The following PTK2B variants were observed in gnomAD, a reference collection of about 807,000 sequenced individuals.
The protein encoded by PTK2B is protein tyrosine kinase 2 beta.
PTK2B carries 71 observed loss-of-function variants against 142.9 expected under a neutral mutation model. The ratio of observed to expected loss-of-function variants is 0.50; its 90% CI spans 0.41 to 0.61. The LOEUF (loss-of-function observed/expected upper bound fraction) is 0.61. Among genes scored for constraint, PTK2B ranks in the 20% least tolerant of loss-of-function variants. PTK2B has a pLI of 0.00. For synonymous variants in PTK2B, 519 were observed against 503.4 expected, an observed-to-expected ratio of 1.03 and a Z score of -0.42; for missense variants, 1,105 against 1,320.4, an observed-to-expected ratio of 0.84 and a Z score of 2.53.
At chr8:27,450,953 C>T (rs1050198285) in intron 25 of PTK2B, 58 bp downstream of exon 25, 372 of 1,612,096 alleles carry the variant, frequency 2.3e-4, no homozygotes, top group Non-Finnish European at 3.0e-4. Context: ...TCTTCCACCT[C>T]CCCAGGTGGC....
chr8:27,336,209 G>A (rs574768178), intron 1 of PTK2B, among the ~76,000 whole-genome samples: 119 of 152,324 alleles, frequency 7.8e-4, no homozygotes, highest in Non-Finnish European at 1.1e-3. Context: ...TTACCAAAGA[G>A]TAAATGCATA....
intron 2 of PTK2B, among the ~76,000 whole-genome samples, chr8:27,406,083 T>A (rs1808695165): frequency 6.6e-6 from 1 of 152,346 alleles, no homozygotes; most frequent in East Asian, 1.9e-4. Context: ...GGATCTCTCC[T>A]TGCCTGTCCC....
intron 2 of PTK2B, among the ~76,000 whole-genome samples, chr8:27,412,020 T>C (rs1809095980): frequency 6.6e-6 from 1 of 152,244 alleles, no homozygotes; most frequent in Non-Finnish European, 1.5e-5. Flanking sequence ...AGGACAGGTC[T>C]GAGGGACCCC....
At chr8:27,344,340 G>A (rs545668624) in intron 1 of PTK2B, among the ~76,000 whole-genome samples, 22 of 152,296 alleles carry the variant, frequency 1.4e-4, no homozygotes, top group South Asian at 6.2e-4. Context: ...GGTTAGAAGC[G>A]AGGGCTTCTC....
rs201809119 is a variant in PTK2B at position 27,439,147 on chromosome 8, A to G, written c.1744+16A>G. The G allele has an allele frequency of 1.2e-4, 189 of 1,608,882 alleles. No individual in the cohort carries two copies. In the African/African-American group the frequency reaches 2.3e-3, roughly 20 times the overall value. Reference sequence around the variant, plus strand: ...TATTACAAAGGTGAGGGGGCTTCCCAGCCTCTGCATTGGCCTTGGAGGGGT... The same window carrying G: ...TATTACAAAGGTGAGGGGGCTTCCCGGCCTCTGCATTGGCCTTGGAGGGGT... On this transcript the variant is annotated intron_variant, in intron 19 of 30. Coordinates refer to ENST00000346049, the MANE Select transcript of PTK2B (RefSeq NM_173176.3).
chr8:27,446,037 C>A, intron 24 of PTK2B, 118 bp downstream of exon 24: 1 of 1,436,060 alleles, frequency 7.0e-7, no homozygotes, highest in Non-Finnish European at 9.4e-7. Flanking sequence ...TGTTCCCATG[C>A]ACCAGTCAGG....
At chr8:27,364,588 C>T (rs776983059) in intron 1 of PTK2B, among the ~76,000 whole-genome samples, 1 of 152,192 alleles carries the variant, frequency 6.6e-6, no homozygotes, top group Non-Finnish European at 1.5e-5. Flanking sequence ...ACTGCAGGGA[C>T]TGAACAGAAT....
intron 1 of PTK2B, among the ~76,000 whole-genome samples, chr8:27,327,206 C>T (rs1159297694): frequency 2.6e-5 from 4 of 152,076 alleles, no homozygotes; most frequent in African/African-American, 9.7e-5. Context: ...CTAGAGCGTG[C>T]AGGGGCGAGG....
chr8:27,317,521 C>T (rs145686980), intron 3 of PTK2B, among the ~76,000 whole-genome samples: 3 of 152,274 alleles, frequency 2.0e-5, no homozygotes, highest in African/African-American at 4.8e-5. Flanking sequence ...CTTGGTTAAG[C>T]GTATTTCCAA....
At chr8:27,434,699 C>A in intron 13 of PTK2B, 140 bp downstream of exon 13, 2 of 1,010,048 alleles carry the variant, frequency 2.0e-6, no homozygotes, top group African/African-American at 1.6e-5. Flanking sequence ...TCAGTGATGG[C>A]TTTAAAATAT....
At chr8:27,343,443 A>G (rs1230575251) in intron 1 of PTK2B, among the ~76,000 whole-genome samples, 1 of 152,204 alleles carries the variant, frequency 6.6e-6, no homozygotes, top group Non-Finnish European at 1.5e-5. Context: ...TTCCAGGCAG[A>G]TGGGGTCCCC....
chr8:27,392,813 A>G (rs1287765918), intron 1 of PTK2B, among the ~76,000 whole-genome samples: 1 of 152,154 alleles, frequency 6.6e-6, no homozygotes, highest in Non-Finnish European at 1.5e-5. Context: ...GGAAGTTGCC[A>G]TGTGTCAATA....
chr8:27,408,525 T>C (rs1221923206), intron 2 of PTK2B, among the ~76,000 whole-genome samples: 2 of 152,262 alleles, frequency 1.3e-5, no homozygotes, highest in East Asian at 3.8e-4. Flanking sequence ...TTTTTGGGTC[T>C]TCATTCTGAA....
At chr8:27,348,109 C>T (rs1178495772) in intron 1 of PTK2B, among the ~76,000 whole-genome samples, 2 of 152,176 alleles carry the variant, frequency 1.3e-5, no homozygotes, top group African/African-American at 2.4e-5. Context: ...AGTAAAACGA[C>T]CTCCAGATAA....
intron 1 of PTK2B, among the ~76,000 whole-genome samples, chr8:27,372,613 A>G (rs1008144470): frequency 2.0e-5 from 3 of 152,244 alleles, no homozygotes; most frequent in Non-Finnish European, 4.4e-5. Context: ...ATAATGTTCA[A>G]CCAAATATCT....
At chr8:27,430,342 G>A (rs959690256) in intron 6 of PTK2B, 22 bp from the exon 7 acceptor site, 24 of 1,613,988 alleles carry the variant, frequency 1.5e-5, no homozygotes, top group Non-Finnish European at 1.9e-5. Context: ...GTCACATGCT[G>A]CCTTTTTCTT....
At chr8:27,403,041 C>T (rs1808475088) in intron 2 of PTK2B, among the ~76,000 whole-genome samples, 1 of 152,210 alleles carries the variant, frequency 6.6e-6, no homozygotes, top group African/African-American at 2.4e-5. Flanking sequence ...AGCCCAACTT[C>T]CTTGTCTGGG....
chr8:27,345,689 C>G (rs913732034), intron 1 of PTK2B, among the ~76,000 whole-genome samples: 4 of 152,196 alleles, frequency 2.6e-5, no homozygotes, highest in African/African-American at 9.6e-5. Context: ...TCTATGCTGA[C>G]TTTCTGATCA....
At chr8:27,369,057 G>A (rs1274490804) in intron 1 of PTK2B, among the ~76,000 whole-genome samples, 2 of 152,210 alleles carry the variant, frequency 1.3e-5, no homozygotes, top group East Asian at 3.8e-4. Flanking sequence ...CTATTTTGGA[G>A]CTGCAGCTGG....
Sources: allele counts gnomAD v4.1 joint callset (sites outside exome capture counted in the v4.1 genomes callset), GRCh38; gene constraint gnomAD v4.1.1; transcripts MANE v1.5; gene names NCBI Gene and HGNC (gene_info 2026-07-23, HGNC 2026-07-21).